C2CD3: variants seen among roughly 807,000 people sequenced by gnomAD.
The protein encoded by C2CD3 is C2 domain containing 3 centriole elongation regulator.
C2CD3 carries 148 observed loss-of-function variants against 234.0 expected under a neutral mutation model. The observed-to-expected ratio is 0.63, with a 90% CI of 0.55 to 0.72. The LOEUF is 0.72. C2CD3 is among the 30% of genes least tolerant of loss of function. The pLI is 0.00. For missense variants in C2CD3, 2,577 were observed against 2,811.5 expected (o/e 0.92, Z 1.89); for synonymous variants, 1,000 against 1,035.4 (o/e 0.97, Z 0.66).
At chr11:74,096,084 C>T (rs778579058) in intron 16 of C2CD3, among the ~76,000 whole-genome samples, 3 of 152,110 alleles carry the variant, frequency 2.0e-5, no homozygotes, top group Non-Finnish European at 2.9e-5. Flanking sequence ...AACAAATAAT[C>T]GTGTATTTAT....
chr11:74,133,117 T>C (rs1590900734), intron 6 of C2CD3, 145 bp from the exon 7 acceptor site: 1 of 762,534 alleles, frequency 1.3e-6, no homozygotes. Context: ...CTTTACACTT[T>C]GCAAAGCTCT....
chr11:74,033,534 G>A lies in C2CD3; in HGVS notation c.6626C>T (p.Ala2209Val). 2 of 1,536,156 alleles carry A rather than the reference G, an allele frequency of 1.3e-6. No individual in the cohort carries two copies. The highest frequency in any genetic ancestry group is 1.7e-6 in the Non-Finnish European group (2 of 1,146,916). ...QNKEPKSEAPAENEAATSELG... is the reference protein window; with the variant it reads ...QNKEPKSEAPVENEAATSELG... Reference sequence around the variant, plus strand: ...CTCACTGGTGGCAGCTTCATTCTCAGCTGGGGCCTCTGACTTGGGCTCCTT... The same window carrying A: ...CTCACTGGTGGCAGCTTCATTCTCAACTGGGGCCTCTGACTTGGGCTCCTT... Residue 2209 changes from alanine (A) to valine (V), a missense_variant, in exon 31 of 33, where the codon GCT becomes GTT. By Grantham distance (64) the Ala-to-Val change is moderately conservative. Transcript: ENST00000334126.
chr11:74,081,623 TCAC>T (rs1591417088), intron 22 of C2CD3, among the ~76,000 whole-genome samples: 1 of 144,264 alleles, frequency 6.9e-6, no homozygotes, highest in South Asian at 2.2e-4. Flanking sequence ...ATCATCATCA[TCAC>T]CATCATCATC....
At chr11:74,112,388 A>C (rs913752009) in intron 11 of C2CD3, among the ~76,000 whole-genome samples, 1 of 152,130 alleles carries the variant, frequency 6.6e-6, no homozygotes, top group Non-Finnish European at 1.5e-5. Flanking sequence ...TGAAATATTT[A>C]AAACAAATTA....
At chr11:74,041,419 AG>A (rs766963820) in intron 29 of C2CD3, among the ~76,000 whole-genome samples, 1 of 152,128 alleles carries the variant, frequency 6.6e-6, no homozygotes, top group Non-Finnish European at 1.5e-5. Flanking sequence ...AAATCTTTCC[AG>A]GAACAATCCA....
intron 22 of C2CD3, among the ~76,000 whole-genome samples, chr11:74,080,676 C>T (rs1200236476): frequency 6.6e-6 from 1 of 151,946 alleles, no homozygotes; most frequent in African/African-American, 2.4e-5. Context: ...AGGTTTATAT[C>T]CAAGGGGTTA....
chr11:74,144,253 A>G (rs1320619811), intron 3 of C2CD3, among the ~76,000 whole-genome samples: 1 of 152,140 alleles, frequency 6.6e-6, no homozygotes, highest in Non-Finnish European at 1.5e-5. Flanking sequence ...GGGGAAAAAA[A>G]GGGCTCAGGG....
chr11:74,071,585 T>C (rs1954794413), intron 24 of C2CD3, among the ~76,000 whole-genome samples: 2 of 152,242 alleles, frequency 1.3e-5, no homozygotes, highest in South Asian at 4.1e-4. Context: ...TTGTAATCTC[T>C]TCAAACTATA....
Position 74,074,523 on chromosome 11 carries a change from G to T in C2CD3, c.4681C>A (p.Leu1561Ile). The T allele has an allele frequency of 1.2e-6, 2 of 1,614,216 alleles. No individual in the cohort carries two copies. Among genetic ancestry groups the T allele is most frequent in the Non-Finnish European group, 1.7e-6 (2 of 1,180,016 alleles). ...ALRVHVVLSS[L>I]SSHLEPTHEL... ...TGAGTGGGCTCAAGGTGTGAGGAAA[G>T]AGAGGAAAGAACCACATGAACTCGC... The change falls in exon 24 of 33, where the codon CTT (leucine) becomes ATT (isoleucine). Residue 1561 changes from leucine (L) to isoleucine (I), a missense_variant. Physicochemically the swap from Leu to Ile is conservative, Grantham distance 5 (BLOSUM62 2). Transcript: ENST00000334126.
chr11:74,100,475 T>C (rs987056113), intron 15 of C2CD3, 50 bp downstream of exon 15: 4 of 1,512,730 alleles, frequency 2.6e-6, no homozygotes, highest in African/African-American at 1.4e-5. Context: ...TTTCAGTCCA[T>C]GCAAAGTTAA....
chr11:74,054,038 C>T (rs1201164421), intron 26 of C2CD3, among the ~76,000 whole-genome samples: 6 of 151,936 alleles, frequency 3.9e-5, no homozygotes, highest in Non-Finnish European at 8.8e-5. Flanking sequence ...TTTGGGAGGC[C>T]GAGGCGGGTG....
At chr11:74,018,920 C>T (rs150804159) in intron 32 of C2CD3, among the ~76,000 whole-genome samples, 3 of 152,294 alleles carry the variant, frequency 2.0e-5, no homozygotes, top group African/African-American at 4.8e-5. Flanking sequence ...CCACACCCCA[C>T]CTGATGCCAC....
At chr11:74,122,855 C>T in intron 8 of C2CD3, 133 bp downstream of exon 8, 3 of 642,306 alleles carry the variant, frequency 4.7e-6, no homozygotes, top group Admixed American at 5.6e-5. Context: ...GAAGATAATA[C>T]TTTCCTCTTG....
At chr11:74,114,226 A>T (rs556815508) in intron 10 of C2CD3, among the ~76,000 whole-genome samples, 158 bp downstream of exon 10, 6 of 152,328 alleles carry the variant, frequency 3.9e-5, no homozygotes, top group African/African-American at 1.2e-4. Flanking sequence ...TTACTTACAC[A>T]GTTCTTGGGA....
At position 74,084,771 on chromosome 11, in the gene C2CD3, G is replaced by A. The variant is rs1955564560; in HGVS notation, c.4000+110C>T. ...AGAGAGTTCAGAAGCATGTGTTAAG[G>A]GGTTGTGTTTTCTTTTGAATATCTT... On this transcript the variant is annotated intron_variant, in intron 22 of 32. Transcript: ENST00000334126. 2.1e-5 allele frequency: 15 copies of A among 698,506 alleles called. No individual in the cohort carries two copies. The South Asian group carries it at 2.6e-4, about 12-fold the overall frequency. The allele number at this position is 698,506 out of a possible 1,614,324, so 43.3% of individuals were successfully genotyped here.
At chr11:74,015,872 G>C (rs984930180) in intron 32 of C2CD3, among the ~76,000 whole-genome samples, 17 of 149,214 alleles carry the variant, frequency 1.1e-4, no homozygotes, top group Non-Finnish European at 2.2e-4. Flanking sequence ...TTTGTGACCA[G>C]CTTGGTCAAC....
At chr11:74,026,447 C>T (rs1952303570) in intron 32 of C2CD3, among the ~76,000 whole-genome samples, 1 of 152,150 alleles carries the variant, frequency 6.6e-6, no homozygotes, top group Non-Finnish European at 1.5e-5. Flanking sequence ...GATCAGGCAT[C>T]TGATGCTTCT....
At chr11:74,091,212 A>C (rs192779666) in intron 19 of C2CD3, 47 of 290,636 alleles carry the variant, frequency 1.6e-4, no homozygotes, top group African/African-American at 9.6e-4. Flanking sequence ...ACTTAACTCC[A>C]GATTTCTTTT....
At chr11:74,083,233 A>G (rs1395687318) in intron 22 of C2CD3, among the ~76,000 whole-genome samples, 1 of 152,228 alleles carries the variant, frequency 6.6e-6, no homozygotes, top group Non-Finnish European at 1.5e-5. Flanking sequence ...AAAACTGGCT[A>G]GCCATATGTA....
Sources: gnomAD v4.1 joint callset for allele counts (sites outside exome capture counted in the v4.1 genomes callset) on GRCh38, gnomAD v4.1.1 for gene constraint, MANE v1.5 for transcripts, NCBI Gene and HGNC (gene_info 2026-07-23, HGNC 2026-07-21) for gene names.